ANK2: variants seen among roughly 807,000 people sequenced by gnomAD.
The protein encoded by ANK2 is ankyrin 2.
In ANK2, 83 loss-of-function variants were observed where a neutral mutation model predicts 360.5. That is an observed-to-expected ratio of 0.23 (90% CI 0.19 to 0.28). The LOEUF (loss-of-function observed/expected upper bound fraction) is 0.28, where lower values mean the gene tolerates loss of function less well. ANK2 is among the 10% of genes least tolerant of loss of function. ANK2 has a pLI of 1.00. For synonymous variants in ANK2, 1,740 were observed against 1,759.5 expected, an observed-to-expected ratio of 0.99 and a Z score of 0.28; for missense variants, 4,201 against 4,795.7, an observed-to-expected ratio of 0.88 and a Z score of 3.66.
chr4:112,712,132 GAGTGCAGTGGTGC>G, the ANK2 span, among the ~76,000 whole-genome samples: 1 of 149,348 alleles, frequency 6.7e-6, no homozygotes, highest in Non-Finnish European at 1.5e-5. Flanking sequence ...CTCTAGGCTG[GAGTGCAGTGGTGC>G]AGTCTCGGCT....
chr4:113,182,626 T>C (rs1045242290), intron 2 of ANK2, among the ~76,000 whole-genome samples: 2 of 152,174 alleles, frequency 1.3e-5, no homozygotes, highest in Admixed American at 6.5e-5. Context: ...AAAACATTAT[T>C]TTCAGATGGA....
chr4:113,314,386 C>T (rs187740337), intron 24 of ANK2, among the ~76,000 whole-genome samples: 16 of 152,272 alleles, frequency 1.1e-4, no homozygotes, highest in Admixed American at 3.3e-4. Flanking sequence ...AATAAAATTA[C>T]ACTTTCATAC....
the ANK2 span, among the ~76,000 whole-genome samples, chr4:112,790,491 T>C: frequency 7.4e-5 from 11 of 147,886 alleles, no homozygotes; most frequent in South Asian, 1.1e-3. Context: ...TTTCTTTTTT[T>C]TTTTTTTTTT....
chr4:112,986,598 A>G (rs1413398831), intron 2 of ANK2, among the ~76,000 whole-genome samples: 2 of 152,222 alleles, frequency 1.3e-5, no homozygotes, highest in Non-Finnish European at 2.9e-5. Context: ...TCTTCAGCAC[A>G]TCTAAGATGC....
intron 26 of ANK2, 152 bp downstream of exon 26, chr4:113,318,772 T>C (rs1035443553): frequency 4.8e-5 from 33 of 687,640 alleles, no homozygotes; most frequent in Non-Finnish European, 7.5e-5. Flanking sequence ...TTATCCAACA[T>C]GGACTCTATA....
rs1327993306 is a variant in ANK2 at position 113,357,079 on chromosome 4, GAC to G, written c.8465_8466del (p.Thr2822ArgfsTer6). ...AGCTCTCCAAGGCACTCATGAAAAA[GAC>G]ACAGAGGGAGAAGAGCTTGATGTTT... ...SLALQGTHEK[D>X]TEGEELDVSR... On this transcript the variant is annotated frameshift_variant, in exon 38 of 46. Coordinates refer to ENST00000357077, the MANE Select transcript of ANK2 (RefSeq NM_001148.6). LOFTEE classifies it high-confidence loss of function. The G allele has an allele frequency of 6.2e-7, 1 of 1,614,040 alleles. No individual in the cohort carries two copies. The highest frequency in any genetic ancestry group is 2.2e-5 in the East Asian group (1 of 44,876).
chr4:113,159,952 T>C (rs1251476555), intron 1 of ANK2, among the ~76,000 whole-genome samples: 1 of 152,084 alleles, frequency 6.6e-6, no homozygotes, highest in Non-Finnish European at 1.5e-5. Flanking sequence ...AGAGTACTAG[T>C]GTTCCTATGT....
chr4:112,970,800 A>G (rs1365640090), intron 2 of ANK2, among the ~76,000 whole-genome samples: 3 of 152,202 alleles, frequency 2.0e-5, no homozygotes, highest in African/African-American at 7.2e-5. Flanking sequence ...CTTATAGCTA[A>G]TAACGATGTA....
At chr4:112,771,087 A>G in the ANK2 span, among the ~76,000 whole-genome samples, 1 of 152,172 alleles carries the variant, frequency 6.6e-6, no homozygotes, top group Admixed American at 6.5e-5. Context: ...AAAGATTAAC[A>G]AAAGAAAAGC....
intron 7 of ANK2, 34 bp from the exon 8 acceptor site, chr4:113,240,451 C>A: frequency 6.6e-7 from 1 of 1,508,992 alleles, no homozygotes; most frequent in Middle Eastern, 1.7e-4. Flanking sequence ...AAAAGTGAAG[C>A]GCTATACTGA....
chr4:113,372,162 C>T (rs1327521406), intron 43 of ANK2, among the ~76,000 whole-genome samples: 2 of 152,116 alleles, frequency 1.3e-5, no homozygotes, highest in Non-Finnish European at 2.9e-5. Flanking sequence ...GTGTCAGTGG[C>T]TCATAAGTGT....
intron 1 of ANK2, among the ~76,000 whole-genome samples, chr4:112,863,723 C>T (rs923343163): frequency 7.2e-5 from 11 of 151,808 alleles, no homozygotes; most frequent in Non-Finnish European, 1.5e-4. Flanking sequence ...GGGGTTGCAC[C>T]GTGTTAGCCA....
chr4:112,992,198 C>T (rs529218123), intron 2 of ANK2, among the ~76,000 whole-genome samples: 14 of 151,364 alleles, frequency 9.2e-5, no homozygotes, highest in African/African-American at 3.4e-4. Flanking sequence ...GGCTGGAGTA[C>T]AGTGGCGTGA....
chr4:112,925,603 T>C (rs1235715555), intron 2 of ANK2, among the ~76,000 whole-genome samples: 1 of 152,192 alleles, frequency 6.6e-6, no homozygotes, highest in Non-Finnish European at 1.5e-5. Flanking sequence ...CCAATAATAG[T>C]GATAGTAAAT....
the ANK2 span, among the ~76,000 whole-genome samples, chr4:112,723,653 C>G: frequency 6.6e-6 from 1 of 152,104 alleles, no homozygotes; most frequent in East Asian, 1.9e-4. Context: ...CACGAGCCAC[C>G]GCCCCCGGCA....
intron 20 of ANK2, among the ~76,000 whole-genome samples, chr4:113,291,236 C>T (rs949204831): frequency 2.0e-5 from 3 of 152,112 alleles, no homozygotes; most frequent in African/African-American, 4.8e-5. Flanking sequence ...GTAAACACAA[C>T]AAAAAGGAAG....
intron 2 of ANK2, chr4:112,904,546 G>T (rs988436924): frequency 7.0e-7 from 1 of 1,424,784 alleles, no homozygotes. Context: ...TTACTTTAAA[G>T]GAATCTTATA....
rs1303543839 is a variant in ANK2 at position 113,044,033 on chromosome 4, T to C, written c.22-130383T>C. 3.9e-5 allele frequency among the ~76,000 whole-genome samples: 6 copies of C among 152,184 alleles called. No homozygotes were observed. The East Asian group carries it at 1.2e-3, about 29-fold the overall frequency. ...TTAATACAGGACATAGGATCAATTT[T>C]CAATAGCTAAGAATGTTGGTGCAAT... is the stretch of plus-strand genomic sequence containing the variant. On this transcript the variant is annotated intron_variant, in intron 2 of 30. Transcript: ENST00000503271.
At chr4:112,728,000 A>G in the ANK2 span, among the ~76,000 whole-genome samples, 32 of 151,488 alleles carry the variant, frequency 2.1e-4, no homozygotes, top group East Asian at 5.2e-3. Context: ...AAAGAAAAAA[A>G]ATACAAAGAA....
Sources: gnomAD v4.1 joint callset for allele counts (sites outside exome capture counted in the v4.1 genomes callset) on GRCh38, gnomAD v4.1.1 for gene constraint, MANE v1.5 for transcripts, NCBI Gene and HGNC (gene_info 2026-07-23, HGNC 2026-07-21) for gene names.